SH3RF1: variants seen among roughly 807,000 people sequenced by gnomAD.
SH3RF1 encodes E3 ubiquitin-protein ligase SH3RF1.
Under a neutral mutation model 74.0 loss-of-function variants are expected in SH3RF1, and 32 were observed. That is an observed-to-expected ratio of 0.43 (90% CI 0.33 to 0.58). SH3RF1 has a LOEUF of 0.58. Ranked by LOEUF, SH3RF1 falls within the 20% of genes least tolerant of loss-of-function variation. The pLI is 0.05. For missense variants in SH3RF1, 954 were observed against 1,130.9 expected, an observed-to-expected ratio of 0.84 and a Z score of 2.24; for synonymous variants, 396 against 439.6, an observed-to-expected ratio of 0.90 and a Z score of 1.24.
chr4:169,262,859 G>A (rs1043419796), intron 2 of SH3RF1, among the ~76,000 whole-genome samples: 2 of 151,970 alleles, frequency 1.3e-5, no homozygotes, highest in East Asian at 1.9e-4. Context: ...TCTCATCTCC[G>A]AGTCTCACCA....
At chr4:169,177,729 T>G (rs1734444026) in intron 2 of SH3RF1, among the ~76,000 whole-genome samples, 1 of 152,164 alleles carries the variant, frequency 6.6e-6, no homozygotes, top group South Asian at 2.1e-4. Context: ...TTCAAGTTGC[T>G]TACATATATG....
In SH3RF1 at chr4:169,107,038, C is replaced by A. The variant is rs368474589; in HGVS notation, c.2307G>T (p.Arg769Ser). Reference protein sequence around the residue: ...PELPPGGGHGRAGSCPVDGDG... With the variant: ...PELPPGGGHGSAGSCPVDGDG... ...CCCCGTCCACAGGGCAGGAGCCTGC[C>A]CTGCCATGGCCACCTCCTGGTGGCA... is the stretch of plus-strand genomic sequence containing the variant. Residue 769 changes from arginine (R) to serine (S), a missense_variant, in exon 11 of 12, where the codon AGG becomes AGT. By Grantham distance (110) the Arg-to-Ser change is moderately radical. Around this residue, in one of 3 missense-constraint regions of SH3RF1, gnomAD observed 854 missense variants for 962.5 expected, o/e 0.89. Coordinates refer to ENST00000284637, the MANE Select transcript of SH3RF1 (RefSeq NM_020870.4). The A allele has an allele frequency of 6.2e-7, 1 of 1,613,796 alleles. No homozygotes were observed. Among genetic ancestry groups the A allele is most frequent in the Non-Finnish European group, 8.5e-7 (1 of 1,179,950 alleles).
intron 2 of SH3RF1, among the ~76,000 whole-genome samples, chr4:169,188,767 T>C (rs2126983276): frequency 6.6e-6 from 1 of 152,356 alleles, no homozygotes; most frequent in South Asian, 2.1e-4. Context: ...GTGGCCAAAA[T>C]TGGCAAAATA....
chr4:169,230,176 G>A lies in SH3RF1; in HGVS notation c.393+38644C>T, dbSNP rs117047039. Among the ~76,000 whole-genome samples, 112 of 152,210 alleles carry A rather than the reference G, an allele frequency of 7.4e-4. 1 individual carries two copies. The East Asian group carries it at 0.015, about 20-fold the overall frequency. ...CCAAGATCACGCTGCTCCAGCCTGG[G>A]CCACTAAATGAGACTCTGTCTCAAA... On this transcript the variant is annotated intron_variant, in intron 2 of 11. Transcript: ENST00000284637.
chr4:169,145,863 A>ATAT lies in SH3RF1; in HGVS notation c.766-9246_766-9244dup, dbSNP rs1408810950. 1.5e-4 allele frequency among the ~76,000 whole-genome samples: 15 copies of ATAT among 100,664 alleles called. 1 individual carries two copies. The highest frequency in any genetic ancestry group is 3.2e-4 in the South Asian group (1 of 3,128). 66.0% of individuals were successfully genotyped at this position (100,664 alleles called of 152,430 possible). On this transcript the variant is annotated intron_variant, in intron 4 of 11. Coordinates refer to ENST00000284637, the MANE Select transcript of SH3RF1 (RefSeq NM_020870.4). ...TATTCTATATATTATTCTATATAAA[A>ATAT]TATGTATTCTATATATTATTCTATA...
chr4:169,107,126 G>A lies in SH3RF1; in HGVS notation c.2219C>T (p.Pro740Leu). ...RKPRVSPPASPTLEVELGSAE... is the reference protein window; with the variant it reads ...RKPRVSPPASLTLEVELGSAE... ...ACTGCCCAGCTCCACTTCTAGGGTGGGCGATGCTGGAGGAGACACGCGGGG... is the reference window on the plus strand; with the variant it reads ...ACTGCCCAGCTCCACTTCTAGGGTGAGCGATGCTGGAGGAGACACGCGGGG... The change falls in exon 11 of 12, where the codon CCC (proline) becomes CTC (leucine). Residue 740 changes from proline to leucine, a missense_variant. Around this residue, in one of 3 missense-constraint regions of SH3RF1, gnomAD observed 854 missense variants for 962.5 expected, o/e 0.89. Transcript: ENST00000284637. 6.2e-7 allele frequency: 1 copy of A among 1,611,188 alleles called. No individual in the cohort carries two copies. Among genetic ancestry groups the A allele is most frequent in the Non-Finnish European group, 8.5e-7 (1 of 1,177,990 alleles).
chr4:169,260,819 A>G (rs778029103), intron 2 of SH3RF1, among the ~76,000 whole-genome samples: 1 of 152,228 alleles, frequency 6.6e-6, no homozygotes, highest in East Asian at 1.9e-4. Context: ...GGAAACCAAC[A>G]TAACTGAGTT....
At chr4:169,129,235 T>C (rs6841324) in intron 6 of SH3RF1, among the ~76,000 whole-genome samples, 7,042 of 152,282 alleles carry the variant, frequency 0.046, 549 homozygotes, top group African/African-American at 0.16. Flanking sequence ...CTGGAGCAAA[T>C]AGAAAATATA....
intron 2 of SH3RF1, among the ~76,000 whole-genome samples, chr4:169,216,786 A>G (rs1730470336): frequency 6.6e-6 from 1 of 152,156 alleles, no homozygotes; most frequent in South Asian, 2.1e-4. Flanking sequence ...TTTCAACATT[A>G]TAACTTATAA....
chr4:169,202,097 AT>A (rs913485956), intron 2 of SH3RF1, among the ~76,000 whole-genome samples: 3 of 152,072 alleles, frequency 2.0e-5, no homozygotes, highest in South Asian at 2.1e-4. Context: ...AAAAAAAAAA[AT>A]CTCACTCCCC....
chr4:169,219,788 C>G (rs1017874134), intron 2 of SH3RF1, among the ~76,000 whole-genome samples: 9 of 152,184 alleles, frequency 5.9e-5, no homozygotes, highest in African/African-American at 1.7e-4. Context: ...ATTTTTATCC[C>G]TCTACTACTT....
intron 2 of SH3RF1, among the ~76,000 whole-genome samples, chr4:169,177,512 A>G (rs550089001): frequency 6.6e-6 from 1 of 152,340 alleles, no homozygotes; most frequent in Non-Finnish European, 1.5e-5. Flanking sequence ...GCACACAATA[A>G]ATTTGTAAAT....
intron 9 of SH3RF1, among the ~76,000 whole-genome samples, chr4:169,116,897 C>A (rs1031580876): frequency 1.3e-5 from 2 of 152,202 alleles, no homozygotes; most frequent in Non-Finnish European, 2.9e-5. Context: ...TAGGAGACAG[C>A]CTCTCCACAG....
At chr4:169,250,936 G>A (rs1317050038) in intron 2 of SH3RF1, among the ~76,000 whole-genome samples, 1 of 152,146 alleles carries the variant, frequency 6.6e-6, no homozygotes, top group African/African-American at 2.4e-5. Flanking sequence ...CTTCCAGGCA[G>A]GGCAAAGACT....
chr4:169,199,039 G>A (rs115380194), intron 2 of SH3RF1, among the ~76,000 whole-genome samples: 1,570 of 152,240 alleles, frequency 0.01, 33 homozygotes, highest in African/African-American at 0.036. Context: ...AGAAGGAAAA[G>A]GAAGCAAATA....
At chr4:169,138,801 C>T (rs925687030) in intron 4 of SH3RF1, among the ~76,000 whole-genome samples, 2 of 152,144 alleles carry the variant, frequency 1.3e-5, no homozygotes, top group Non-Finnish European at 1.5e-5. Context: ...TTCAGGTTTC[C>T]ATATGCTGTG....
chr4:169,221,106 G>A (rs1730558443), intron 2 of SH3RF1, among the ~76,000 whole-genome samples: 2 of 152,162 alleles, frequency 1.3e-5, no homozygotes, highest in South Asian at 2.1e-4. Flanking sequence ...TACTGTTTTC[G>A]ATTTGCTGAC....
chr4:169,193,645 A>C (rs1561049675), intron 2 of SH3RF1, among the ~76,000 whole-genome samples: 1 of 152,204 alleles, frequency 6.6e-6, no homozygotes, highest in Non-Finnish European at 1.5e-5. Flanking sequence ...ATTACAGTGC[A>C]GGTCCTGTCA....
intron 2 of SH3RF1, among the ~76,000 whole-genome samples, chr4:169,265,531 G>C (rs2110763488): frequency 6.6e-6 from 1 of 152,226 alleles, no homozygotes; most frequent in South Asian, 2.1e-4. Flanking sequence ...TGGAGTGCAA[G>C]GGTGCGATCT....
Sources: allele counts gnomAD v4.1 joint callset (sites outside exome capture counted in the v4.1 genomes callset), GRCh38; gene constraint gnomAD v4.1.1; regional missense constraint gnomAD v4.1.1; transcripts MANE v1.5; gene names NCBI Gene and HGNC (gene_info 2026-07-23, HGNC 2026-07-21).